Variants in THADA observed in about 807,000 individuals in gnomAD.
The protein encoded by THADA is tRNA (32-2'-O)-methyltransferase regulator THADA.
Under a neutral mutation model 219.8 loss-of-function variants are expected in THADA, and 213 were observed. That is an observed-to-expected ratio of 0.97 (90% CI 0.87 to 1.09). The LOEUF (loss-of-function observed/expected upper bound fraction) is 1.09. Among genes scored for constraint, THADA ranks in the 50% least tolerant of loss-of-function variants. The pLI is 0.00. For synonymous variants in THADA, 1,018 were observed against 828.9 expected (o/e 1.23, Z -3.92); for missense variants, 2,956 against 2,311.3 (o/e 1.28, Z -5.72).
intron 29 of THADA, among the ~76,000 whole-genome samples, chr2:43,396,034 G>A (rs1010990853): frequency 6.6e-6 from 1 of 152,212 alleles, no homozygotes; most frequent in Non-Finnish European, 1.5e-5. Context: ...TGGGATTATA[G>A]GCATGAGCCC....
Position 43,572,845 on chromosome 2 carries a change from A to G in THADA, c.1877T>C (p.Ile626Thr). ...TWENLVSDAR[I>T]KQGLIHQHCQ... ...ATGCTGATGAATTAAGCCTTGCTTT[A>G]TTCTTGCATCAGACACGAGGTTCTC... The change falls in exon 12 of 38, where the codon ATA becomes ACA. Residue 626 changes from isoleucine to threonine, a missense_variant. By Grantham distance (89) the Ile-to-Thr change is moderately conservative. Transcript: ENST00000405975. The G allele has an allele frequency of 6.2e-7, 1 of 1,613,882 alleles. No individual in the cohort carries two copies. The highest frequency in any genetic ancestry group is 8.5e-7 in the Non-Finnish European group (1 of 1,179,824).
Position 43,291,772 on chromosome 2 carries a change from G to C in THADA, c.4938-4C>G. 1 of 1,540,120 alleles carries C rather than the reference G, an allele frequency of 6.5e-7. No homozygotes were observed. Among genetic ancestry groups the C allele is most frequent in the Non-Finnish European group, 8.8e-7 (1 of 1,141,888 alleles). On this transcript the variant is annotated splice_region_variant and splice_polypyrimidine_tract_variant and intron_variant, in intron 33 of 37. Coordinates refer to ENST00000405975, the MANE Select transcript of THADA (RefSeq NM_022065.5). ...AGCTACACTCTGAATTTCAGATCTA[G>C]AAAAATAAACAAACAAAAAAACAAC...
At chr2:43,582,989 C>G (rs1700620646) in intron 7 of THADA, among the ~76,000 whole-genome samples, 1 of 152,114 alleles carries the variant, frequency 6.6e-6, no homozygotes, top group Non-Finnish European at 1.5e-5. Flanking sequence ...TAGGAATGTC[C>G]AGGACTCAGT....
intron 29 of THADA, among the ~76,000 whole-genome samples, chr2:43,367,426 C>T (rs938388654): frequency 6.6e-6 from 1 of 152,094 alleles, no homozygotes; most frequent in Admixed American, 6.5e-5. Flanking sequence ...ATTTTTGGGT[C>T]ATGTTTTGAA....
intron 7 of THADA, among the ~76,000 whole-genome samples, chr2:43,584,619 T>C (rs1173261995): frequency 1.3e-5 from 2 of 152,014 alleles, no homozygotes; most frequent in Non-Finnish European, 2.9e-5. Context: ...AGGCAACCAA[T>C]ATGCAACAAG....
Position 43,344,119 on chromosome 2 carries a change from TA to T in THADA, c.4343+2del. 5 of 1,600,824 alleles carry T rather than the reference TA, an allele frequency of 3.1e-6. No individual in the cohort carries two copies. Among genetic ancestry groups the T allele is most frequent in the Non-Finnish European group, 4.3e-6 (5 of 1,171,880 alleles). On this transcript the variant is annotated splice_donor_variant, in intron 30 of 37. Coordinates refer to ENST00000405975, the MANE Select transcript of THADA (RefSeq NM_022065.5). LOFTEE classifies it high-confidence loss of function. The stretch of plus-strand genomic sequence containing the variant: ...TCCTTGCTCATGTGGGATTTTAACA[TA>T]CCTCTTGGCCAGCCAGAGTTTGGCT...
intron 31 of THADA, among the ~76,000 whole-genome samples, chr2:43,317,153 T>G (rs764315523): frequency 1.1e-4 from 16 of 152,192 alleles, no homozygotes; most frequent in Non-Finnish European, 2.1e-4. Context: ...ACCCAGAGGT[T>G]TGGCTTCAGT....
chr2:43,476,780 A>G (rs1348386780), intron 26 of THADA, among the ~76,000 whole-genome samples: 3 of 152,222 alleles, frequency 2.0e-5, no homozygotes, highest in Non-Finnish European at 4.4e-5. Context: ...AATCTTGCTG[A>G]TCAGTTCACC....
At chr2:43,485,042 C>A (rs912081833) in intron 26 of THADA, among the ~76,000 whole-genome samples, 192 bp downstream of exon 26, 1 of 151,756 alleles carries the variant, frequency 6.6e-6, no homozygotes, top group East Asian at 1.9e-4. Context: ...TTGAAAGGTC[C>A]ACTTATTAAA....
chr2:43,576,062 T>G (rs935339410), intron 10 of THADA, among the ~76,000 whole-genome samples: 4 of 151,894 alleles, frequency 2.6e-5, no homozygotes, highest in Admixed American at 1.3e-4. Context: ...TAAAAAATGA[T>G]GCTAAAAACA....
At chr2:43,264,944 A>G (rs1024973237) in intron 36 of THADA, among the ~76,000 whole-genome samples, 5 of 152,226 alleles carry the variant, frequency 3.3e-5, no homozygotes, top group Non-Finnish European at 7.3e-5. Flanking sequence ...TGCTGCACAC[A>G]CTTTCAGCAT....
rs749104388 is a variant in THADA, at chr2:43,386,371, TTAATA to T, written c.4227+11595_4227+11599del. ...TTGTCCAAAACAGAGAGCCTTCATT[TTAATA>T]TAATAGATGTAGTTTTCCTTTTTTT... On this transcript the variant is annotated intron_variant, in intron 29 of 37. Transcript: ENST00000405975. Among the ~76,000 whole-genome samples, 149 of 152,282 alleles carry T rather than the reference TTAATA, an allele frequency of 9.8e-4. 1 individual carries two copies. Among genetic ancestry groups the T allele is most frequent in the Non-Finnish European group, 1.7e-3 (117 of 68,028 alleles).
chr2:43,282,357 A>G lies in THADA; in HGVS notation c.5165-2461T>C, dbSNP rs529856423. Among the ~76,000 whole-genome samples, 47 of 152,346 alleles carry G rather than the reference A, an allele frequency of 3.1e-4. 1 individual carries two copies. Among genetic ancestry groups the G allele is most frequent in the Admixed American group, 3.1e-3 (47 of 15,298 alleles). ...CTAAGAAGAAAAAAGTTAAAACCAT[A>G]TTGAAGAAAACGTTGTCTCCCAGAG... On this transcript the variant is annotated intron_variant, in intron 35 of 37. Transcript: ENST00000405975.
Position 43,574,474 on chromosome 2 carries a change from G to C in THADA, c.1591C>G (p.Leu531Val), listed in dbSNP as rs201592210. ...QWHETWVSPLLFILCEGNLDQ... is the reference protein window; with the variant it reads ...QWHETWVSPLVFILCEGNLDQ... ...AAGTTTCCTTCACACAATATAAAAA[G>C]GAGAGGAGAAACCCAAGTCTCATGC... Residue 531 changes from leucine to valine, a missense_variant, in exon 11 of 38, where the codon CTT becomes GTT. Physicochemically the swap from Leu to Val is conservative, Grantham distance 32. Transcript: ENST00000405975. 1,669 of 1,613,724 alleles carry C rather than the reference G, an allele frequency of 1.0e-3. 27 individuals carry two copies. In the South Asian group the frequency reaches 0.015, roughly 15 times the overall value.
intron 30 of THADA, 93 bp from the exon 31 acceptor site, chr2:43,320,633 T>C: frequency 1.2e-6 from 1 of 839,356 alleles, no homozygotes; most frequent in Non-Finnish European, 1.9e-6. Flanking sequence ...CTATGGTATA[T>C]GATGGGGCTT....
At chr2:43,290,270 C>T (rs1045852861) in intron 34 of THADA, among the ~76,000 whole-genome samples, 2 of 151,686 alleles carry the variant, frequency 1.3e-5, no homozygotes, top group African/African-American at 4.8e-5. Context: ...CCATGTCTGG[C>T]CGTTTTTTTT....
chr2:43,264,899 C>T (rs758787729), intron 36 of THADA, among the ~76,000 whole-genome samples: 1 of 152,216 alleles, frequency 6.6e-6, no homozygotes, highest in Admixed American at 6.5e-5. Flanking sequence ...AACAAATGAA[C>T]CCACTTTGCT....
chr2:43,564,797 T>G (rs936289400), intron 15 of THADA: 3 of 152,180 alleles, frequency 2.0e-5, no homozygotes, highest in African/African-American at 7.2e-5. Flanking sequence ...CCTGCAAAAA[T>G]GTACAGCATG....
intron 29 of THADA, among the ~76,000 whole-genome samples, chr2:43,376,386 T>C (rs1671384646): frequency 6.6e-6 from 1 of 152,244 alleles, no homozygotes; most frequent in African/African-American, 2.4e-5. Context: ...CTTTCTTTAA[T>C]TCTATAGCTG....
Sources: allele counts gnomAD v4.1 joint callset (sites outside exome capture counted in the v4.1 genomes callset), GRCh38; gene constraint gnomAD v4.1.1; transcripts MANE v1.5; gene names NCBI Gene and HGNC (gene_info 2026-07-23, HGNC 2026-07-21).